SRBD1: variants seen among roughly 807,000 people sequenced by gnomAD.
The protein encoded by SRBD1 is S1 RNA-binding domain-containing protein 1.
Under a neutral mutation model 115.3 loss-of-function variants are expected in SRBD1, and 88 were observed. That is an observed-to-expected ratio of 0.76 (90% confidence interval 0.64 to 0.91). The LOEUF is 0.91. Ranked by LOEUF, SRBD1 falls within the 40% of genes least tolerant of loss-of-function variation. The pLI is 0.00. For synonymous variants in SRBD1, 509 were observed against 407.7 expected, an observed-to-expected ratio of 1.25 and a Z score of -2.99; for missense variants, 1,385 against 1,177.4, an observed-to-expected ratio of 1.18 and a Z score of -2.58.
At chr2:45,435,745 G>C (rs926650069) in intron 16 of SRBD1, among the ~76,000 whole-genome samples, 3 of 152,054 alleles carry the variant, frequency 2.0e-5, no homozygotes, top group Admixed American at 6.6e-5. Context: ...TCTAGTCCTG[G>C]AGAAAGGATT....
intron 14 of SRBD1, among the ~76,000 whole-genome samples, chr2:45,523,275 G>GAA (rs61024871): frequency 1.7e-4 from 15 of 86,566 alleles, no homozygotes; most frequent in Non-Finnish European, 2.7e-4. Context: ...CAAAACGCTG[G>GAA]AAAAAAAAAA....
Position 45,602,077 on chromosome 2 carries a change from A to G in SRBD1, c.87T>C (p.Ser29=), listed in dbSNP as rs1674111935. ...DEFSSFSELS[S]ASEEDDKEDS... is the part of the protein sequence containing the mutation. ...CTTCCTTGTCATCTTCTTCAGAGGC[A>G]GATGATCTAGAAGTAAATCAACAGA... The change falls in exon 3 of 21, where the codon TCT becomes TCC. Residue 29 remains serine (S), a synonymous_variant. Coordinates refer to ENST00000263736, the MANE Select transcript of SRBD1 (RefSeq NM_018079.5). The G allele has an allele frequency of 1.2e-6, 2 of 1,613,110 alleles. No individual in the cohort carries two copies. Among genetic ancestry groups the G allele is most frequent in the South Asian group, 2.2e-5 (2 of 90,908 alleles).
intron 19 of SRBD1, among the ~76,000 whole-genome samples, chr2:45,396,876 G>A (rs528318892): frequency 6.6e-6 from 1 of 152,160 alleles, no homozygotes; most frequent in East Asian, 1.9e-4. Flanking sequence ...AAGAACCATG[G>A]TGATGCAACA....
At chr2:45,412,214 G>A (rs1377069983) in intron 19 of SRBD1, among the ~76,000 whole-genome samples, 2 of 152,152 alleles carry the variant, frequency 1.3e-5, no homozygotes, top group African/African-American at 4.8e-5. Flanking sequence ...TCTAGGTGTG[G>A]CTATATAGGA....
intron 14 of SRBD1, among the ~76,000 whole-genome samples, chr2:45,531,356 C>T (rs560061606): frequency 1.5e-4 from 22 of 151,630 alleles, no homozygotes; most frequent in Non-Finnish European, 2.7e-4. Flanking sequence ...CATTTCAATA[C>T]GTAAAAACGC....
At chr2:45,494,061 G>A (rs1278090679) in intron 14 of SRBD1, among the ~76,000 whole-genome samples, 2 of 149,538 alleles carry the variant, frequency 1.3e-5, no homozygotes, top group African/African-American at 4.9e-5. Context: ...GCACAACTGT[G>A]ACTGAAACAA....
intron 7 of SRBD1, 96 bp downstream of exon 7, chr2:45,579,779 T>TA: frequency 7.6e-7 from 1 of 1,311,876 alleles, no homozygotes; most frequent in Non-Finnish European, 1.0e-6. Flanking sequence ...TTCTTTTGTA[T>TA]AATCAGTACT....
chr2:45,510,941 A>G (rs1183566210), intron 14 of SRBD1, among the ~76,000 whole-genome samples: 1 of 152,228 alleles, frequency 6.6e-6, no homozygotes, highest in Non-Finnish European at 1.5e-5. Flanking sequence ...AAAGAAAAAA[A>G]GAGAAGCACA....
chr2:45,565,822 C>T (rs372936071), intron 9 of SRBD1, among the ~76,000 whole-genome samples: 108 of 152,300 alleles, frequency 7.1e-4, no homozygotes, highest in Admixed American at 1.5e-3. Flanking sequence ...GATGGGGTTT[C>T]ACCATGTTGG....
chr2:45,568,466 G>A (rs1382553445), intron 9 of SRBD1, among the ~76,000 whole-genome samples: 1 of 152,106 alleles, frequency 6.6e-6, no homozygotes. Context: ...TTGTAACCTA[G>A]CATATCATCA....
chr2:45,598,665 G>A (rs2104242908), intron 4 of SRBD1, among the ~76,000 whole-genome samples: 1 of 152,008 alleles, frequency 6.6e-6, no homozygotes, highest in South Asian at 2.1e-4. Context: ...TGGGTACAAA[G>A]ACATTTGTGA....
Position 45,415,773 on chromosome 2 carries a change from G to C in SRBD1, c.2334-2480C>G, listed in dbSNP as rs183630071. ...CGAGAGGAGAGGAGAGGAGAGGAGAGGAGAGGAGAGGAGAGGAGAGGAGAG... is the reference window on the plus strand; with the variant it reads ...CGAGAGGAGAGGAGAGGAGAGGAGACGAGAGGAGAGGAGAGGAGAGGAGAG... On this transcript the variant is annotated intron_variant, in intron 18 of 20. Coordinates refer to ENST00000263736, the MANE Select transcript of SRBD1 (RefSeq NM_018079.5). Among the ~76,000 whole-genome samples, 61 of 43,546 alleles carry C rather than the reference G, an allele frequency of 1.4e-3. 5 individuals are homozygous for C. The highest frequency in any genetic ancestry group is 4.9e-3 in the African/African-American group (37 of 7,598). The allele number at this position is 43,546 out of a possible 152,430, so 28.6% of individuals were successfully genotyped here. A position where few individuals can be genotyped will look rare whatever the true frequency, so the allele number is the denominator to read the frequency against.
chr2:45,396,782 A>G (rs975997993), intron 19 of SRBD1, among the ~76,000 whole-genome samples: 6 of 152,202 alleles, frequency 3.9e-5, no homozygotes, highest in Admixed American at 2.0e-4. Flanking sequence ...ATTCAGTTTT[A>G]TGTCATCATT....
intron 1 of SRBD1, among the ~76,000 whole-genome samples, chr2:45,606,540 T>TA (rs1433319950): frequency 1.3e-5 from 2 of 152,142 alleles, no homozygotes; most frequent in African/African-American, 4.8e-5. Flanking sequence ...ATTGACTGAG[T>TA]AAGCAGCCAG....
At chr2:45,591,457 G>C (rs1673721534) in intron 4 of SRBD1, among the ~76,000 whole-genome samples, 1 of 152,152 alleles carries the variant, frequency 6.6e-6, no homozygotes, top group Non-Finnish European at 1.5e-5. Flanking sequence ...CCACACAGCT[G>C]GGTCTGTGTG....
intron 16 of SRBD1, among the ~76,000 whole-genome samples, chr2:45,422,047 A>G (rs934692023): frequency 6.6e-6 from 1 of 152,214 alleles, no homozygotes; most frequent in Non-Finnish European, 1.5e-5. Flanking sequence ...ATGGGTGGGT[A>G]GGAGATAGTA....
intron 14 of SRBD1, among the ~76,000 whole-genome samples, chr2:45,544,444 T>A (rs1168765690): frequency 6.6e-6 from 1 of 152,166 alleles, no homozygotes; most frequent in Non-Finnish European, 1.5e-5. Flanking sequence ...TAAAACTATA[T>A]GGCTAATCAG....
At chr2:45,568,933 G>C (rs1042505060) in intron 9 of SRBD1, among the ~76,000 whole-genome samples, 1 of 152,108 alleles carries the variant, frequency 6.6e-6, no homozygotes. Flanking sequence ...TCAAAATATT[G>C]AAAGTATGTA....
At chr2:45,508,602 G>A (rs932894972) in intron 14 of SRBD1, among the ~76,000 whole-genome samples, 5 of 151,928 alleles carry the variant, frequency 3.3e-5, no homozygotes, top group Non-Finnish European at 7.4e-5. Flanking sequence ...TCACACACAT[G>A]GAGTCATATT....
Sources: gnomAD v4.1 joint callset for allele counts (sites outside exome capture counted in the v4.1 genomes callset) on GRCh38, gnomAD v4.1.1 for gene constraint, MANE v1.5 for transcripts, NCBI Gene and HGNC (gene_info 2026-07-23, HGNC 2026-07-21) for gene names.